The following ASIC2 variants were observed in gnomAD, a reference collection of about 807,000 sequenced individuals.
ASIC2 encodes the protein acid sensing ion channel subunit 2.
Under a neutral mutation model 57.3 loss-of-function variants are expected in ASIC2, and 25 were observed. The observed-to-expected ratio is 0.44, with a 90% CI of 0.32 to 0.61. The LOEUF (loss-of-function observed/expected upper bound fraction) is 0.61. Among genes scored for constraint, ASIC2 ranks in the 20% least tolerant of loss-of-function variants. The probability of loss-of-function intolerance (pLI) is 0.06; values close to 1 mark genes in which losing one functional copy is unlikely to be tolerated. For missense variants in ASIC2, 641 were observed against 738.1 expected (o/e 0.87, Z 1.52); for synonymous variants, 319 against 307.5 (o/e 1.04, Z -0.39).
intron 1 of ASIC2, among the ~76,000 whole-genome samples, chr17:33,264,081 G>A (rs917318123): frequency 5.9e-5 from 9 of 152,200 alleles, no homozygotes; most frequent in Admixed American, 3.9e-4. Flanking sequence ...ACCTCACAAC[G>A]TTATCGTGAT....
intron 1 of ASIC2, among the ~76,000 whole-genome samples, chr17:34,016,565 A>C (rs1906989825): frequency 6.6e-6 from 1 of 152,230 alleles, no homozygotes; most frequent in Non-Finnish European, 1.5e-5. Flanking sequence ...ACCCCACCAA[A>C]GTGCAAAACA....
chr17:33,776,638 G>A (rs1364134301), intron 1 of ASIC2, among the ~76,000 whole-genome samples: 1 of 152,182 alleles, frequency 6.6e-6, no homozygotes, highest in African/African-American at 2.4e-5. Flanking sequence ...GGCCAAAGGA[G>A]GGAAGCAGGG....
At chr17:34,143,924 A>C (rs1912344221) in intron 1 of ASIC2, among the ~76,000 whole-genome samples, 1 of 152,174 alleles carries the variant, frequency 6.6e-6, no homozygotes, top group African/African-American at 2.4e-5. Context: ...TAAATTACCC[A>C]GTCTCGGGTA....
At chr17:33,714,311 G>A (rs992536914) in intron 1 of ASIC2, among the ~76,000 whole-genome samples, 1 of 152,066 alleles carries the variant, frequency 6.6e-6, no homozygotes, top group Non-Finnish European at 1.5e-5. Context: ...AACGTTCATT[G>A]CAACATTCAT....
At chr17:33,424,218 G>A (rs917682157) in intron 1 of ASIC2, among the ~76,000 whole-genome samples, 3 of 152,090 alleles carry the variant, frequency 2.0e-5, no homozygotes, top group African/African-American at 7.2e-5. Flanking sequence ...AGGGTTATAC[G>A]TTTCCCCATT....
At chr17:33,377,344 C>T (rs1312980317) in intron 1 of ASIC2, among the ~76,000 whole-genome samples, 1 of 152,192 alleles carries the variant, frequency 6.6e-6, no homozygotes, top group African/African-American at 2.4e-5. Context: ...AGCCACTGTG[C>T]CCAGCTAGAA....
chr17:33,940,176 G>A (rs1195107164), intron 1 of ASIC2, among the ~76,000 whole-genome samples: 2 of 152,182 alleles, frequency 1.3e-5, no homozygotes, highest in Non-Finnish European at 2.9e-5. Flanking sequence ...AGGATCATAA[G>A]GTTTCTATTC....
At chr17:33,066,733 A>G (rs1033719607) in intron 3 of ASIC2, among the ~76,000 whole-genome samples, 13 of 152,194 alleles carry the variant, frequency 8.5e-5, no homozygotes, top group African/African-American at 2.9e-4. Context: ...GAGGTGAGCT[A>G]CCTGCTATAC....
chr17:33,659,726 G>C (rs1464985733), intron 1 of ASIC2, among the ~76,000 whole-genome samples: 1 of 151,834 alleles, frequency 6.6e-6, no homozygotes, highest in African/African-American at 2.4e-5. Flanking sequence ...CAAAAAATTA[G>C]CCGGGCGAGG....
At chr17:33,291,210 C>T (rs986792135) in intron 1 of ASIC2, 198 bp downstream of exon 1, 7 of 1,223,438 alleles carry the variant, frequency 5.7e-6, no homozygotes, top group Non-Finnish European at 6.5e-6. Flanking sequence ...GGAGGCGACT[C>T]CTCCTACAGT....
chr17:33,580,066 C>T (rs1036937780), intron 1 of ASIC2: 5 of 152,164 alleles, frequency 3.3e-5, no homozygotes, highest in African/African-American at 1.2e-4. Flanking sequence ...CCCAAGTCCC[C>T]ACCTGACCCA....
intron 1 of ASIC2, among the ~76,000 whole-genome samples, chr17:34,131,368 CTAAA>C (rs1911952778): frequency 6.6e-6 from 1 of 152,150 alleles, no homozygotes; most frequent in African/African-American, 2.4e-5. Flanking sequence ...ATTGTATTCC[CTAAA>C]TAAACTGCCA....
intron 1 of ASIC2, among the ~76,000 whole-genome samples, chr17:33,339,174 C>T (rs983355564): frequency 2.6e-5 from 4 of 152,072 alleles, no homozygotes; most frequent in African/African-American, 9.7e-5. Flanking sequence ...AAACACAGGG[C>T]TGGAGCACAG....
chr17:33,786,525 C>A (rs1911604887), intron 1 of ASIC2, among the ~76,000 whole-genome samples: 1 of 152,028 alleles, frequency 6.6e-6, no homozygotes, highest in Non-Finnish European at 1.5e-5. Context: ...TTAATACCCA[C>A]CTAATTAAAA....
At chr17:33,623,412 A>T (rs972063839) in intron 1 of ASIC2, 1 of 143,650 alleles carries the variant, frequency 7.0e-6, no homozygotes, top group African/African-American at 2.6e-5. Flanking sequence ...GATGTGCACC[A>T]CCACGCCCAG....
At chr17:33,556,399 A>G (rs1915910078) in intron 1 of ASIC2, among the ~76,000 whole-genome samples, 1 of 152,236 alleles carries the variant, frequency 6.6e-6, no homozygotes, top group East Asian at 1.9e-4. Flanking sequence ...TGAGAATGAC[A>G]GCACGTGGGA....
chr17:33,807,761 G>A (rs1359744609), intron 1 of ASIC2, among the ~76,000 whole-genome samples: 4 of 152,108 alleles, frequency 2.6e-5, no homozygotes, highest in Non-Finnish European at 4.4e-5. Context: ...TCCTTCCATG[G>A]GTGGAATTAA....
chr17:33,591,377 G>T (rs751801198), intron 1 of ASIC2, among the ~76,000 whole-genome samples: 2 of 152,142 alleles, frequency 1.3e-5, no homozygotes, highest in African/African-American at 2.4e-5. Context: ...ATGCCACTGG[G>T]GCTGCATTTC....
chr17:33,870,005 C>T (rs1359831784), intron 1 of ASIC2, among the ~76,000 whole-genome samples: 1 of 152,080 alleles, frequency 6.6e-6, no homozygotes, highest in East Asian at 1.9e-4. Context: ...TACAGGATGT[C>T]AGGTATAGTA....
Sources: allele counts gnomAD v4.1 joint callset (sites outside exome capture counted in the v4.1 genomes callset), GRCh38; gene constraint gnomAD v4.1.1; transcripts MANE v1.5; gene names NCBI Gene and HGNC (gene_info 2026-07-23, HGNC 2026-07-21).